Variants in ARMC8 observed in about 807,000 individuals in gnomAD.
The protein encoded by ARMC8 is armadillo repeat containing 8.
Under a neutral mutation model 99.3 loss-of-function variants are expected in ARMC8, and 20 were observed. That is an observed-to-expected ratio of 0.20 (90% CI 0.14 to 0.29). ARMC8 has a LOEUF of 0.29. Ranked by LOEUF, ARMC8 falls within the 10% of genes least tolerant of loss-of-function variation. The probability of loss-of-function intolerance (pLI) is 1.00; values close to 1 mark genes in which losing one functional copy is unlikely to be tolerated. For missense variants in ARMC8, 569 were observed against 809.5 expected (o/e 0.70, Z 3.60); for synonymous variants, 263 against 278.3 (o/e 0.95, Z 0.55).
At chr3:138,225,704 G>C (rs1438509152) in intron 5 of ARMC8, among the ~76,000 whole-genome samples, 2 of 152,100 alleles carry the variant, frequency 1.3e-5, no homozygotes, top group African/African-American at 2.4e-5. Flanking sequence ...TAAAAAAATG[G>C]TGGTTGTAAT....
At chr3:138,218,354 C>T (rs2045199925) in intron 2 of ARMC8, among the ~76,000 whole-genome samples, 2 of 152,146 alleles carry the variant, frequency 1.3e-5, no homozygotes, top group Admixed American at 1.3e-4. Context: ...TATGATTGCT[C>T]CTTAATCCAT....
Position 138,287,798 on chromosome 3 carries a change from T to C in ARMC8, c.1822-1250T>C, listed in dbSNP as rs76573097. 5.4e-3 allele frequency: 2,130 copies of C among 393,098 alleles called. 41 individuals carry two copies. The highest frequency in any genetic ancestry group is 0.038 in the African/African-American group (1,851 of 48,188). The allele number at this position is 393,098 out of a possible 1,614,324, so 24.4% of individuals were successfully genotyped here. ...GTCTGTCTTAGCCTTGAAAAAACCA[T>C]TGAGCATATTTTGCCATTGATACTC... On this transcript the variant is annotated intron_variant, in intron 19 of 21. Transcript: ENST00000469044.
intron 11 of ARMC8, among the ~76,000 whole-genome samples, chr3:138,243,819 T>C (rs992549678): frequency 1.3e-5 from 2 of 152,198 alleles, no homozygotes; most frequent in East Asian, 3.8e-4. Flanking sequence ...GTTAGCTCTT[T>C]AGGAAGTTTC....
intron 2 of ARMC8, among the ~76,000 whole-genome samples, chr3:138,219,381 CTT>C (rs1050002397): frequency 6.6e-6 from 1 of 152,154 alleles, no homozygotes; most frequent in Non-Finnish European, 1.5e-5. Context: ...AGGAGATAGA[CTT>C]TTACTCTAAC....
chr3:138,288,583 T>A (rs1314558753), intron 19 of ARMC8, among the ~76,000 whole-genome samples: 4 of 152,052 alleles, frequency 2.6e-5, no homozygotes, highest in Admixed American at 2.6e-4. Context: ...TACTCATTAG[T>A]GTTAACTTCA....
chr3:138,254,052 A>G (rs943247147), intron 12 of ARMC8, among the ~76,000 whole-genome samples: 29 of 152,240 alleles, frequency 1.9e-4, no homozygotes, highest in African/African-American at 7.0e-4. Flanking sequence ...AGGGACCTCC[A>G]TATCTGTGTT....
chr3:138,217,998 A>G (rs2045171014), intron 2 of ARMC8, among the ~76,000 whole-genome samples: 1 of 152,202 alleles, frequency 6.6e-6, no homozygotes, highest in African/African-American at 2.4e-5. Flanking sequence ...AGTTTTGTAT[A>G]ACCAGATACC....
At chr3:138,198,495 TA>T (rs2043865130) in intron 1 of ARMC8, among the ~76,000 whole-genome samples, 2 of 25,804 alleles carry the variant, frequency 7.8e-5, no homozygotes, top group Non-Finnish European at 1.4e-4. Flanking sequence ...GTATATTCTT[TA>T]TTATTATTAT....
chr3:138,210,330 T>A (rs191818465), intron 2 of ARMC8, among the ~76,000 whole-genome samples: 2 of 152,334 alleles, frequency 1.3e-5, no homozygotes, highest in Admixed American at 1.3e-4. Context: ...AATTTCGAAT[T>A]TAGAAAGCTG....
At chr3:138,276,659 A>T (rs1259941194) in intron 18 of ARMC8, among the ~76,000 whole-genome samples, 1 of 149,156 alleles carries the variant, frequency 6.7e-6, no homozygotes, top group African/African-American at 2.6e-5. Flanking sequence ...GATATTAAAC[A>T]GTACCATTTG....
In ARMC8 at chr3:138,223,747, G is replaced by A. The variant is rs1241059001; in HGVS notation, c.435+14G>A. The stretch of plus-strand genomic sequence containing the variant: ...CTACTGTATACAGTGAGTTTTAGAT[G>A]TATTTGAGACATTAGTTACATTTCA... On this transcript the variant is annotated intron_variant, in intron 5 of 21. Transcript: ENST00000469044. The A allele has an allele frequency of 1.2e-6, 2 of 1,600,426 alleles. No homozygotes were observed. The highest frequency in any genetic ancestry group is 1.7e-5 in the Admixed American group (1 of 60,002).
intron 2 of ARMC8, among the ~76,000 whole-genome samples, chr3:138,210,741 C>T (rs2044647253): frequency 6.6e-6 from 1 of 152,120 alleles, no homozygotes; most frequent in Non-Finnish European, 1.5e-5. Context: ...TTAACTTGTG[C>T]TTAGCCATGG....
At chr3:138,237,770 C>T (rs1014613123) in intron 9 of ARMC8, among the ~76,000 whole-genome samples, 198 bp downstream of exon 9, 2 of 152,116 alleles carry the variant, frequency 1.3e-5, no homozygotes, top group African/African-American at 4.8e-5. Context: ...ATATGCAGAA[C>T]AGGAACTCTC....
intron 2 of ARMC8, among the ~76,000 whole-genome samples, 169 bp downstream of exon 2, chr3:138,210,062 A>G (rs1321208715): frequency 6.6e-6 from 1 of 152,198 alleles, no homozygotes; most frequent in Non-Finnish European, 1.5e-5. Flanking sequence ...ACCATAAAGA[A>G]TTGTCTTTTG....
chr3:138,269,405 A>T (rs1250671931), intron 15 of ARMC8, among the ~76,000 whole-genome samples: 4 of 152,212 alleles, frequency 2.6e-5, no homozygotes, highest in Admixed American at 2.6e-4. Context: ...AATAAAGTTA[A>T]GTAGTTAGAC....
chr3:138,284,786 G>A (rs1352605483), intron 19 of ARMC8, among the ~76,000 whole-genome samples: 2 of 152,070 alleles, frequency 1.3e-5, no homozygotes, highest in Admixed American at 6.5e-5. Flanking sequence ...CTCTTACTGA[G>A]TGAAGACCCG....
At chr3:138,211,946 G>GA (rs1003850062) in intron 2 of ARMC8, among the ~76,000 whole-genome samples, 3 of 151,986 alleles carry the variant, frequency 2.0e-5, no homozygotes, top group East Asian at 3.9e-4. Context: ...GAGAAAGGGG[G>GA]AAAAAAACAG....
intron 15 of ARMC8, among the ~76,000 whole-genome samples, chr3:138,268,104 G>C (rs2048447485): frequency 6.6e-6 from 1 of 152,040 alleles, no homozygotes; most frequent in Admixed American, 6.6e-5. Context: ...TTAGCCGGGG[G>C]TGGTGGTGCA....
At chr3:138,223,931 C>T (rs927961836) in intron 5 of ARMC8, among the ~76,000 whole-genome samples, 198 bp downstream of exon 5, 2 of 151,036 alleles carry the variant, frequency 1.3e-5, no homozygotes, top group African/African-American at 4.9e-5. Flanking sequence ...CAAGATCAAC[C>T]AGAGTGACAT....
Sources: gnomAD v4.1 joint callset for allele counts (sites outside exome capture counted in the v4.1 genomes callset) on GRCh38, gnomAD v4.1.1 for gene constraint, MANE v1.5 for transcripts, NCBI Gene and HGNC (gene_info 2026-07-23, HGNC 2026-07-21) for gene names.